TDRD1: variants seen among roughly 807,000 people sequenced by gnomAD.
TDRD1 encodes the protein tudor domain-containing protein 1.
In TDRD1, 37 loss-of-function variants were observed where a neutral mutation model predicts 140.6. The observed-to-expected ratio is 0.26, with a 90% CI of 0.20 to 0.35. The LOEUF is 0.35. Among genes scored for constraint, TDRD1 ranks in the 10% least tolerant of loss-of-function variants. The pLI is 1.00. For missense variants in TDRD1, 1,243 were observed against 1,393.0 expected, an observed-to-expected ratio of 0.89 and a Z score of 1.71; for synonymous variants, 506 against 475.7, an observed-to-expected ratio of 1.06 and a Z score of -0.83.
intron 3 of TDRD1, among the ~76,000 whole-genome samples, chr10:114,191,788 C>T (rs1222412795): frequency 6.6e-6 from 1 of 152,196 alleles, no homozygotes; most frequent in East Asian, 1.9e-4. Flanking sequence ...TTATAAGAAA[C>T]TGCCAAATAT....
At chr10:114,224,867 C>G (rs1032355191) in intron 21 of TDRD1, among the ~76,000 whole-genome samples, 1 of 152,164 alleles carries the variant, frequency 6.6e-6, no homozygotes, top group Non-Finnish European at 1.5e-5. Flanking sequence ...AGGCTTTCTG[C>G]AAATCTCTGG....
chr10:114,230,607 AG>A (rs1184031002), intron 25 of TDRD1, among the ~76,000 whole-genome samples: 1 of 152,228 alleles, frequency 6.6e-6, no homozygotes, highest in African/African-American at 2.4e-5. Context: ...CTACGTGTAC[AG>A]TATCCTTTTA....
intron 22 of TDRD1, 55 bp from the exon 23 acceptor site, chr10:114,227,017 C>G: frequency 1.1e-6 from 1 of 929,440 alleles, no homozygotes; most frequent in Middle Eastern, 3.3e-4. Context: ...GATAATTTAT[C>G]TAAATTCTGT....
chr10:114,188,019 A>G, exon 2 of TDRD1: 1 of 1,614,214 alleles, frequency 6.2e-7, no homozygotes, highest in Non-Finnish European at 8.5e-7. Flanking sequence ...AATGGAAATA[A>G]AAAGAACAAT....
chr10:114,215,920 A>T (rs1299276868), intron 16 of TDRD1, among the ~76,000 whole-genome samples: 2 of 152,224 alleles, frequency 1.3e-5, no homozygotes, highest in African/African-American at 2.4e-5. Flanking sequence ...GAGTATATAT[A>T]ATCCTTTTCT....
rs534622101 is a variant in TDRD1, at chr10:114,212,239, A to C, written c.1831+203A>C. Among the ~76,000 whole-genome samples, 9 of 152,316 alleles carry C rather than the reference A, an allele frequency of 5.9e-5. No individual in the cohort carries two copies. The East Asian group carries it at 1.5e-3, about 26-fold the overall frequency. ...GTTGGCTTCATTCAAACGTACCATAATTTAGAAAGAATATCCTATCTCAGA... is the reference window on the plus strand; with the variant it reads ...GTTGGCTTCATTCAAACGTACCATACTTTAGAAAGAATATCCTATCTCAGA... On this transcript the variant is annotated intron_variant, in intron 14 of 25. Transcript: ENST00000251864.
rs1411522697 is a variant in TDRD1 at position 114,227,892 on chromosome 10, T to C, written c.3404-18T>C. 4 of 1,609,768 alleles carry C rather than the reference T, an allele frequency of 2.5e-6. No individual in the cohort carries two copies. The highest frequency in any genetic ancestry group is 2.5e-6 in the Non-Finnish European group (3 of 1,176,570). Reference sequence around the variant, plus strand: ...ACATTATGTGTTATCTAATGGCTTATTTTTCTTGTGCTTTTAGAAAAGATG... The same window carrying C: ...ACATTATGTGTTATCTAATGGCTTACTTTTCTTGTGCTTTTAGAAAAGATG... On this transcript the variant is annotated intron_variant, in intron 23 of 25. Coordinates refer to ENST00000251864, the Ensembl canonical transcript of TDRD1.
chr10:114,218,525 G>T, exon 18 of TDRD1: 1 of 1,612,058 alleles, frequency 6.2e-7, no homozygotes, highest in Non-Finnish European at 8.5e-7. Flanking sequence ...GATGAACTCC[G>T]AATGATATCA....
intron 2 of TDRD1, among the ~76,000 whole-genome samples, chr10:114,190,711 C>G (rs192257710): frequency 5.9e-5 from 9 of 152,306 alleles, no homozygotes; most frequent in Non-Finnish European, 8.8e-5. Context: ...TGGTCTTGAA[C>G]TGCTGACCTC....
intron 16 of TDRD1, among the ~76,000 whole-genome samples, chr10:114,216,098 C>T (rs527981426): frequency 6.6e-6 from 1 of 152,252 alleles, no homozygotes; most frequent in South Asian, 2.1e-4. Flanking sequence ...CATAGAGTTC[C>T]TGTATACACC....
chr10:114,201,212 C>T (rs1359846073), intron 4 of TDRD1, among the ~76,000 whole-genome samples, 198 bp from the exon 5 acceptor site: 1 of 152,046 alleles, frequency 6.6e-6, no homozygotes, highest in Non-Finnish European at 1.5e-5. Flanking sequence ...AGTTATGTGT[C>T]CCAGTCTGAT....
Position 114,231,711 on chromosome 10 carries a change from A to T in TDRD1, c.*194A>T, listed in dbSNP as rs900386572. The T allele has an allele frequency of 1.2e-5, 6 of 517,916 alleles. No individual in the cohort carries two copies. In the South Asian group the frequency reaches 2.0e-4, roughly 17 times the overall value. The allele number at this position is 517,916 out of a possible 1,614,324, so 32.1% of individuals were successfully genotyped here. ...TCCTTCCACCAAATAAATATTACGT[A>T]AAAAATTCATACCAAATCAATGAGA... On this transcript the variant is annotated 3_prime_UTR_variant, in exon 26 of 26. Coordinates refer to ENST00000251864, the Ensembl canonical transcript of TDRD1.
At chr10:114,206,214 T>C (rs1427099826) in intron 10 of TDRD1, 30 bp from the exon 11 acceptor site, 2 of 1,496,768 alleles carry the variant, frequency 1.3e-6, no homozygotes, top group South Asian at 1.1e-5. Context: ...AGTTTCTCAA[T>C]GGAGGCATAT....
chr10:114,204,741 C>T (rs1158959511), exon 10 of TDRD1: 1 of 1,590,300 alleles, frequency 6.3e-7, no homozygotes, highest in African/African-American at 1.4e-5. Context: ...TGCTTTGTAG[C>T]CAATGTTATC....
chr10:114,206,477 G>T, intron 11 of TDRD1, 147 bp downstream of exon 11: 1 of 581,764 alleles, frequency 1.7e-6, no homozygotes, highest in South Asian at 2.5e-5. Context: ...TTTATATTTA[G>T]TAGTATATCA....
At chr10:114,214,495 A>G (rs1431050413) in intron 16 of TDRD1, among the ~76,000 whole-genome samples, 1 of 152,192 alleles carries the variant, frequency 6.6e-6, no homozygotes, top group Non-Finnish European at 1.5e-5. Context: ...AGTGTACTCC[A>G]GCCTGGGCAG....
At chr10:114,217,628 G>A (rs1199910403) in exon 17 of TDRD1, 1 of 1,603,586 alleles carries the variant, frequency 6.2e-7, no homozygotes, top group Non-Finnish European at 8.5e-7. Flanking sequence ...GGCAGAGATA[G>A]GACAACCTTG....
intron 22 of TDRD1, 40 bp downstream of exon 22, chr10:114,226,256 A>ATT (rs138611231): frequency 1.6e-4 from 216 of 1,382,434 alleles, no homozygotes; most frequent in Non-Finnish European, 1.8e-4. Context: ...GTTTCTGGGT[A>ATT]TTTTTTTTTT....
chr10:114,201,480 T>C, exon 5 of TDRD1: 3 of 1,614,058 alleles, frequency 1.9e-6, no homozygotes, highest in African/African-American at 2.7e-5. Context: ...GAGACTGGTC[T>C]GCACACAGCA....
Sources: allele counts gnomAD v4.1 joint callset (sites outside exome capture counted in the v4.1 genomes callset), GRCh38; gene constraint gnomAD v4.1.1; transcripts MANE v1.5; gene names NCBI Gene and HGNC (gene_info 2026-07-23, HGNC 2026-07-21).